CACNA1H: variants seen among roughly 807,000 people sequenced by gnomAD.
CACNA1H encodes the protein voltage-dependent T-type calcium channel subunit alpha-1H.
A neutral mutation model predicts 192.5 loss-of-function variants in CACNA1H; 149 were observed. That is an observed-to-expected ratio of 0.77 (90% CI 0.68 to 0.89). CACNA1H has a LOEUF of 0.89. Ranked by LOEUF, CACNA1H falls within the 40% of genes least tolerant of loss-of-function variation. The pLI is 0.00. For missense variants in CACNA1H, 4,257 were observed against 3,423.5 expected, an observed-to-expected ratio of 1.24 and a Z score of -6.08; for synonymous variants, 2,202 against 1,475.2, an observed-to-expected ratio of 1.49 and a Z score of -11.29.
In CACNA1H at chr16:1,202,416, C is replaced by G; in HGVS notation, c.1966C>G (p.Pro656Ala). The G allele has an allele frequency of 6.6e-7, 1 of 1,523,150 alleles. No homozygotes were observed. The highest frequency in any genetic ancestry group is 8.8e-7 in the Non-Finnish European group (1 of 1,132,504). 94.4% of individuals were successfully genotyped at this position (1,523,150 alleles called of 1,614,324 possible). A position where few individuals can be genotyped will look rare whatever the true frequency, so the allele number is the denominator to read the frequency against. Residue 656 changes from proline to alanine, a missense_variant, in exon 9 of 35, where the codon CCC becomes GCC. Transcript: ENST00000348261. ...HGPLSLNSPD[P>A]YEKIPHVVGE... ...CCCGTTGAGCTTGAACAGCCCTGAT[C>G]CCTACGAGAAGATCCCGCATGTGGT...
Position 1,210,357 on chromosome 16 carries a change from C to A in CACNA1H, c.3846-13C>A. The A allele has an allele frequency of 3.5e-6, 5 of 1,433,686 alleles. No individual in the cohort carries two copies. Among genetic ancestry groups the A allele is most frequent in the South Asian group, 1.2e-5 (1 of 80,888 alleles). 88.8% of individuals were successfully genotyped at this position (1,433,686 alleles called of 1,614,324 possible). On this transcript the variant is annotated splice_polypyrimidine_tract_variant and intron_variant, in intron 18 of 34. Coordinates refer to ENST00000348261, the MANE Select transcript of CACNA1H (RefSeq NM_021098.3). ...CGCCCCGCCCCACCTCTCACCCGCC[C>A]CCGCCCACCCAGGTTCCGCGTCTCC...
chr16:1,216,811 G>C, intron 30 of CACNA1H, 121 bp from the exon 31 acceptor site: 6 of 831,892 alleles, frequency 7.2e-6, no homozygotes, highest in Non-Finnish European at 1.2e-5. Flanking sequence ...GGCCGGGCCC[G>C]GAGCACCTGG....
At chr16:1,158,871 G>GC (rs1335732839) in intron 2 of CACNA1H, among the ~76,000 whole-genome samples, 3 of 149,552 alleles carry the variant, frequency 2.0e-5, no homozygotes, top group Middle Eastern at 3.4e-3. Context: ...CGCACCCCTG[G>GC]CCCCGCAGGG....
At chr16:1,197,274 C>G (rs1967093877) in intron 5 of CACNA1H, among the ~76,000 whole-genome samples, 1 of 152,214 alleles carries the variant, frequency 6.6e-6, no homozygotes, top group Non-Finnish European at 1.5e-5. Flanking sequence ...CCAAGGGTGG[C>G]TGAGCGTGCG....
rs1455327912 is a variant in CACNA1H at position 1,167,525 on chromosome 16, G to A, written c.299+13489G>A. Among the ~76,000 whole-genome samples the A allele has an allele frequency of 6.6e-6, 1 of 152,166 alleles. No homozygotes were observed. Reference sequence around the variant, plus strand: ...GGAACCTGTTGCTAATGAATCTCTGGGGTTTCCTGTTACCTTTGCCAAGTC... The same window carrying A: ...GGAACCTGTTGCTAATGAATCTCTGAGGTTTCCTGTTACCTTTGCCAAGTC... On this transcript the variant is annotated intron_variant, in intron 2 of 34. Transcript: ENST00000348261. The surrounding 1 kb of genome is among the most constrained non-coding windows in gnomAD (Gnocchi z 4.2).
At chr16:1,162,760 C>T (rs1963350703) in intron 2 of CACNA1H, among the ~76,000 whole-genome samples, 1 of 152,042 alleles carries the variant, frequency 6.6e-6, no homozygotes, top group Non-Finnish European at 1.5e-5. Context: ...GCCCCACTGA[C>T]GCTGGGAGGA....
intron 6 of CACNA1H, among the ~76,000 whole-genome samples, chr16:1,199,307 A>G (rs1293625197): frequency 1.4e-5 from 1 of 69,566 alleles, no homozygotes. Flanking sequence ...CAGTCGCTGC[A>G]CATATGCCCC....
rs1469452201 is a variant in CACNA1H, at chr16:1,210,052, G to A, written c.3762G>A (p.Leu1254=). 24 of 1,552,254 alleles carry A rather than the reference G, an allele frequency of 1.5e-5. No individual in the cohort carries two copies. The highest frequency in any genetic ancestry group is 1.9e-5 in the Non-Finnish European group (22 of 1,148,408). ...TCCCACAGAGCTGCTGCCTCCGCCT[G>A]CATAAAGTGCTGGAGCCCTACAAGC... ...DDSEDSCCLR[L]HKVLEPYKPQ... Residue 1254 remains leucine (L), a synonymous_variant, in exon 18 of 35, where the codon CTG becomes CTA. Coordinates refer to ENST00000348261, the MANE Select transcript of CACNA1H (RefSeq NM_021098.3).
chr16:1,189,127 G>A (rs1366877797), intron 2 of CACNA1H, among the ~76,000 whole-genome samples: 2 of 152,234 alleles, frequency 1.3e-5, no homozygotes, highest in Non-Finnish European at 2.9e-5. Flanking sequence ...GGGTCCCGAG[G>A]GAAGTGGCGG....
intron 2 of CACNA1H, among the ~76,000 whole-genome samples, chr16:1,185,955 A>ACGGT (rs761350661): frequency 4.7e-4 from 8 of 17,190 alleles, no homozygotes; most frequent in African/African-American, 1.1e-3. Flanking sequence ...GGGTGAGTAG[A>ACGGT]CGGCGTGCGT....
Position 1,204,387 on chromosome 16 carries a change from T to G in CACNA1H, c.2380T>G (p.Tyr794Asp). 6.4e-7 allele frequency: 1 copy of G among 1,561,176 alleles called. No homozygotes were observed. Among genetic ancestry groups the G allele is most frequent in the Non-Finnish European group, 8.7e-7 (1 of 1,154,862 alleles). The change falls in exon 10 of 35, where the codon TAC becomes GAC. Residue 794 changes from tyrosine to aspartate, a missense_variant. Tyr to Asp is a radical substitution (Grantham distance 160, BLOSUM62 -3). Coordinates refer to ENST00000348261, the MANE Select transcript of CACNA1H (RefSeq NM_021098.3). ...GKLRRIVDSK[Y>D]FSRGIMMAIL... ...GCTGCGCCGCATCGTGGACAGCAAG[T>G]ACTTCAGCCGTGGCATCATGATGGC...
At chr16:1,201,172 C>T (rs535682216) in intron 8 of CACNA1H, among the ~76,000 whole-genome samples, 13 of 152,262 alleles carry the variant, frequency 8.5e-5, no homozygotes, top group South Asian at 2.1e-4. Context: ...TTAATCAGGC[C>T]GCAGACGTCT....
At position 1,218,002 on chromosome 16, in the gene CACNA1H, C is replaced by G; in HGVS notation, c.5407C>G (p.Arg1803Gly). 6.2e-7 allele frequency: 1 copy of G among 1,601,476 alleles called. No individual in the cohort carries two copies. Reference sequence around the variant, plus strand: ...CGGCATGGCCTTCCTCACGCTGTTCCGCGTGTCCACGGGGGACAACTGGAA... The same window carrying G: ...CGGCATGGCCTTCCTCACGCTGTTCGGCGTGTCCACGGGGGACAACTGGAA... ...NFGMAFLTLFRVSTGDNWNGI... is the reference protein window; with the variant it reads ...NFGMAFLTLFGVSTGDNWNGI... The change falls in exon 32 of 35, where the codon CGC becomes GGC. Residue 1803 changes from arginine to glycine, a missense_variant. Physicochemically the swap from Arg to Gly is moderately radical, Grantham distance 125 (BLOSUM62 -2). Transcript: ENST00000348261.
At chr16:1,218,918 TGGGCAGGA>T (rs1469043903) in intron 33 of CACNA1H, 44 bp from the exon 34 acceptor site, 1 of 1,535,782 alleles carries the variant, frequency 6.5e-7, no homozygotes, top group Non-Finnish European at 8.8e-7. Flanking sequence ...GGGTGGCAGC[TGGGCAGGA>T]AGGCAGGGGC....
At chr16:1,187,267 C>T (rs919883938) in intron 2 of CACNA1H, among the ~76,000 whole-genome samples, 2 of 152,258 alleles carry the variant, frequency 1.3e-5, no homozygotes, top group East Asian at 1.9e-4. Flanking sequence ...GGAGCGGCCT[C>T]AGCCTTGGCA....
At chr16:1,184,054 A>G (rs1296602929) in intron 2 of CACNA1H, among the ~76,000 whole-genome samples, 4 of 152,188 alleles carry the variant, frequency 2.6e-5, no homozygotes, top group African/African-American at 7.2e-5. Flanking sequence ...TGCCTGGCCC[A>G]TCAGGCCTAG....
At chr16:1,204,765 AG>A (rs199548547) in intron 10 of CACNA1H, among the ~76,000 whole-genome samples, 1,615 of 79,798 alleles carry the variant, frequency 0.02, 16 homozygotes, top group African/African-American at 0.074. Flanking sequence ...AGTGCCGGGG[AG>A]GGGTGGGAGC....
chr16:1,211,894 T>A, intron 24 of CACNA1H, 52 bp from the exon 25 acceptor site: 2 of 1,609,764 alleles, frequency 1.2e-6, no homozygotes, highest in Non-Finnish European at 1.7e-6. Context: ...CCATCCTGGG[T>A]AGGGCCCCTG....
chr16:1,188,832 C>T (rs1966318650), intron 2 of CACNA1H, among the ~76,000 whole-genome samples: 1 of 152,232 alleles, frequency 6.6e-6, no homozygotes, highest in African/African-American at 2.4e-5. Flanking sequence ...CCGGCCCTCC[C>T]AGCCCTGGTA....
Sources: gnomAD v4.1 joint callset for allele counts (sites outside exome capture counted in the v4.1 genomes callset) on GRCh38, gnomAD v4.1.1 for gene constraint, Gnocchi (gnomAD v3.1) non-coding constraint, MANE v1.5 for transcripts, NCBI Gene and HGNC (gene_info 2026-07-23, HGNC 2026-07-21) for gene names.